Variants in SLC1A6 observed in about 807,000 individuals in gnomAD.
SLC1A6 encodes solute carrier family 1 member 6.
In SLC1A6, 15 loss-of-function variants were observed where a neutral mutation model predicts 42.1. The observed-to-expected ratio is 0.36, with a 90% CI of 0.24 to 0.55. The LOEUF (loss-of-function observed/expected upper bound fraction) is 0.55, where lower values mean the gene tolerates loss of function less well. SLC1A6 is among the 20% of genes least tolerant of loss of function. The pLI is 0.88. For missense variants in SLC1A6, 542 were observed against 772.5 expected (o/e 0.70, Z 3.54); for synonymous variants, 317 against 319.7 (o/e 0.99, Z 0.09).
intron 1 of SLC1A6, among the ~76,000 whole-genome samples, chr19:14,975,858 AG>A: frequency 1.7e-5 from 2 of 117,818 alleles, no homozygotes. Flanking sequence ...AGGGAAGGGA[AG>A]GGAAGGGAAG....
At chr19:14,978,597 A>G (rs2045736711) in intron 1 of SLC1A6, among the ~76,000 whole-genome samples, 1 of 151,870 alleles carries the variant, frequency 6.6e-6, no homozygotes, top group African/African-American at 2.4e-5. Context: ...TCCCACATTC[A>G]TGTACACCCT....
intron 1 of SLC1A6, among the ~76,000 whole-genome samples, chr19:15,010,140 C>T (rs1031553607): frequency 3.4e-5 from 5 of 145,296 alleles, no homozygotes; most frequent in African/African-American, 7.7e-5. Flanking sequence ...GAGCCCAGCT[C>T]GCACCACTGC....
At chr19:14,971,946 A>G in intron 2 of SLC1A6, 72 bp from the exon 3 acceptor site, 1 of 1,536,966 alleles carries the variant, frequency 6.5e-7, no homozygotes, top group Non-Finnish European at 8.9e-7. Context: ...CATCCATCCC[A>G]AGAAGGGTAG....
intron 1 of SLC1A6, among the ~76,000 whole-genome samples, chr19:14,999,975 C>A (rs12610503): frequency 2.0e-5 from 3 of 151,642 alleles, no homozygotes; most frequent in Non-Finnish European, 4.4e-5. Context: ...AGGTATGTCT[C>A]CTAATGCTAT....
chr19:14,952,183 T>C (rs938925017), intron 9 of SLC1A6, among the ~76,000 whole-genome samples: 1 of 151,416 alleles, frequency 6.6e-6, no homozygotes, highest in Non-Finnish European at 1.5e-5. Context: ...CTCACATCTG[T>C]AGTCCCAACT....
In SLC1A6 at chr19:14,968,515, A is replaced by T; in HGVS notation, c.344-8T>A. 6.2e-7 allele frequency: 1 copy of T among 1,600,774 alleles called. No homozygotes were observed. ...TGTCCAGGGATGCCATACCTGAAGG[A>T]CAGATGATGTGGCCCCCGCAGCTCC... On this transcript the variant is annotated splice_polypyrimidine_tract_variant and splice_region_variant and intron_variant, in intron 3 of 9. Coordinates refer to ENST00000594383, the MANE Select transcript of SLC1A6 (RefSeq NM_005071.3).
At position 15,004,668 on chromosome 19, in the gene SLC1A6, C is replaced by T. The variant is rs1407793437; in HGVS notation, c.6+5817G>A. Among the ~76,000 whole-genome samples, 4 of 151,198 alleles carry T rather than the reference C, an allele frequency of 2.6e-5. No homozygotes were observed. In the East Asian group the frequency reaches 7.8e-4, roughly 29 times the overall value. On this transcript the variant is annotated intron_variant, in intron 1 of 8. Transcript: ENST00000430939. ...GAGCCAAGATTGTGCCACTTCATTTCAGCCTGGGTGACAGAGTGAGACTCT... is the reference window on the plus strand; with the variant it reads ...GAGCCAAGATTGTGCCACTTCATTTTAGCCTGGGTGACAGAGTGAGACTCT...
intron 1 of SLC1A6, among the ~76,000 whole-genome samples, chr19:15,004,866 T>C (rs10402035): frequency 0.6 from 90,838 of 152,032 alleles, 27,551 homozygotes; most frequent in African/African-American, 0.62. Flanking sequence ...GTGTACATAA[T>C]GTTTCTGTAG....
chr19:14,957,266 C>T (rs1412937536), intron 6 of SLC1A6, among the ~76,000 whole-genome samples: 2 of 152,160 alleles, frequency 1.3e-5, no homozygotes, highest in Non-Finnish European at 2.9e-5. Context: ...CAGATATTGA[C>T]TGAGTACCTA....
Position 14,959,814 on chromosome 19 carries a change from T to C in SLC1A6, c.935+2188A>G, listed in dbSNP as rs78212766. ...TCCTACTCACCTGTCAAGACGCAGTTAACAGGTGACCTTCTTCATGACTCC... is the reference window on the plus strand; with the variant it reads ...TCCTACTCACCTGTCAAGACGCAGTCAACAGGTGACCTTCTTCATGACTCC... On this transcript the variant is annotated intron_variant, in intron 6 of 9. Coordinates refer to ENST00000594383, the MANE Select transcript of SLC1A6 (RefSeq NM_005071.3). Among the ~76,000 whole-genome samples, 495 of 152,324 alleles carry C rather than the reference T, an allele frequency of 3.2e-3. 6 individuals are homozygous for C. Among genetic ancestry groups the C allele is most frequent in the African/African-American group, 0.011 (472 of 41,580 alleles).
chr19:14,983,011 G>A (rs148872317), upstream of SLC1A6, among the ~76,000 whole-genome samples: 51 of 152,270 alleles, frequency 3.3e-4, no homozygotes, highest in African/African-American at 1.2e-3. Flanking sequence ...AAAAGGAAAC[G>A]GAATTTTTAT....
chr19:14,954,006 C>G, intron 8 of SLC1A6, 129 bp downstream of exon 8: 1 of 793,982 alleles, frequency 1.3e-6, no homozygotes, highest in Non-Finnish European at 2.0e-6. Context: ...CTTCCCACAT[C>G]CCGCTTCCAA....
chr19:15,005,463 C>T (rs1024002972), intron 1 of SLC1A6, among the ~76,000 whole-genome samples: 3 of 151,974 alleles, frequency 2.0e-5, no homozygotes, highest in Non-Finnish European at 2.9e-5. Context: ...GAACCGAGAT[C>T]GCGCCACTGC....
rs903075684 is a variant in SLC1A6, at chr19:14,961,845, A to C, written c.935+157T>G. On this transcript the variant is annotated intron_variant, in intron 6 of 9. Transcript: ENST00000594383. ...AGTCAACTAGTGATGAAATCATCCC[A>C]GAAAGACATGAATGAATGAGTTGGT... The C allele has an allele frequency of 3.6e-6, 4 of 1,098,002 alleles. No homozygotes were observed. In the East Asian group the frequency reaches 1.0e-4, roughly 29 times the overall value. 68.0% of individuals were successfully genotyped at this position (1,098,002 alleles called of 1,614,324 possible). A position where few individuals can be genotyped will look rare whatever the true frequency, so the allele number is the denominator to read the frequency against.
chr19:15,010,035 A>C (rs1370352690), intron 1 of SLC1A6, among the ~76,000 whole-genome samples: 2 of 151,776 alleles, frequency 1.3e-5, no homozygotes, highest in Admixed American at 1.3e-4. Flanking sequence ...AAATGCAAAA[A>C]ATTAGCTGGG....
At chr19:14,997,126 G>C (rs2045851196) in intron 1 of SLC1A6, among the ~76,000 whole-genome samples, 1 of 152,130 alleles carries the variant, frequency 6.6e-6, no homozygotes, top group Non-Finnish European at 1.5e-5. Context: ...GCAAAGGACA[G>C]ACAAAACTCA....
At chr19:14,956,098 G>A (rs138469823) in intron 7 of SLC1A6, among the ~76,000 whole-genome samples, 1 of 152,042 alleles carries the variant, frequency 6.6e-6, no homozygotes, top group Non-Finnish European at 1.5e-5. Flanking sequence ...GGATGAAGGG[G>A]AAGAAGAAGG....
At chr19:14,995,099 T>C (rs935113844) in intron 1 of SLC1A6, among the ~76,000 whole-genome samples, 1 of 151,626 alleles carries the variant, frequency 6.6e-6, no homozygotes, top group African/African-American at 2.4e-5. Flanking sequence ...CCAAGACGGG[T>C]GGATCACCTG....
chr19:15,004,963 G>A (rs2045889108), intron 1 of SLC1A6, among the ~76,000 whole-genome samples: 1 of 152,180 alleles, frequency 6.6e-6, no homozygotes, highest in South Asian at 2.1e-4. Flanking sequence ...GCAATGAATG[G>A]TTCCTTCCAG....
Sources: gnomAD v4.1 joint callset for allele counts (sites outside exome capture counted in the v4.1 genomes callset) on GRCh38, gnomAD v4.1.1 for gene constraint, MANE v1.5 for transcripts, NCBI Gene and HGNC (gene_info 2026-07-23, HGNC 2026-07-21) for gene names.